Variants in COL28A1 observed in about 807,000 individuals in gnomAD.
The protein encoded by COL28A1 is collagen type XXVIII alpha 1 chain.
A neutral mutation model predicts 150.2 loss-of-function variants in COL28A1; 161 were observed. That is an observed-to-expected ratio of 1.07 (90% CI 0.94 to 1.22). The LOEUF (loss-of-function observed/expected upper bound fraction) is 1.22. COL28A1 is among the 50% of genes most tolerant of loss of function. The pLI is 0.00. For missense variants in COL28A1, 1,617 were observed against 1,388.3 expected, an observed-to-expected ratio of 1.16 and a Z score of -2.62; for synonymous variants, 552 against 469.7, an observed-to-expected ratio of 1.18 and a Z score of -2.26.
intron 27 of COL28A1, among the ~76,000 whole-genome samples, chr7:7,389,143 A>C (rs527973087): frequency 4.6e-5 from 7 of 152,106 alleles, no homozygotes; most frequent in Non-Finnish European, 1.0e-4. Context: ...GTCTTACTTA[A>C]GTCTTTAATC....
chr7:7,419,999 TTATG>T (rs56023768), intron 25 of COL28A1, 46 bp from the exon 26 acceptor site: 141,709 of 1,311,318 alleles, frequency 0.11, 8,172 homozygotes, highest in Middle Eastern at 0.21. Context: ...TTTAAAGACT[TTATG>T]TTTTTTTCAA....
intron 30 of COL28A1, among the ~76,000 whole-genome samples, chr7:7,378,772 T>C (rs1314479496): frequency 6.6e-6 from 1 of 152,160 alleles, no homozygotes; most frequent in Non-Finnish European, 1.5e-5. Flanking sequence ...CCATTTGATG[T>C]GGAGATACTG....
At chr7:7,341,459 C>T in the COL28A1 span, among the ~76,000 whole-genome samples, 2 of 151,950 alleles carry the variant, frequency 1.3e-5, no homozygotes, top group Non-Finnish European at 2.9e-5. Context: ...GGCTGGAGTG[C>T]GTTGGCATGA....
downstream of COL28A1, among the ~76,000 whole-genome samples, chr7:7,352,076 T>C (rs114172611): frequency 2.0e-5 from 3 of 152,322 alleles, no homozygotes; most frequent in African/African-American, 4.8e-5. Context: ...CCCTCACTCA[T>C]TGATATATCC....
At chr7:7,481,617 T>C (rs1196548735) in intron 13 of COL28A1, among the ~76,000 whole-genome samples, 1 of 152,206 alleles carries the variant, frequency 6.6e-6, no homozygotes, top group Non-Finnish European at 1.5e-5. Context: ...TGAAGGAATC[T>C]AATTATCAGT....
chr7:7,453,761 G>A (rs1004655617), intron 16 of COL28A1, among the ~76,000 whole-genome samples: 14 of 149,162 alleles, frequency 9.4e-5, no homozygotes, highest in African/African-American at 2.1e-4. Flanking sequence ...GCAGCCAGGC[G>A]TGGCCATGTG....
chr7:7,405,109 A>G lies in COL28A1; in HGVS notation c.2136+12750T>C, dbSNP rs1297946788. Reference sequence around the variant, plus strand: ...ATAAAACTTTGTACAACTAGCAAGGATTGACTAGTGGAGCCAGTATCCTTC... The same window carrying G: ...ATAAAACTTTGTACAACTAGCAAGGGTTGACTAGTGGAGCCAGTATCCTTC... On this transcript the variant is annotated intron_variant, in intron 27 of 34. Coordinates refer to ENST00000399429, the MANE Select transcript of COL28A1 (RefSeq NM_001037763.3). Among the ~76,000 whole-genome samples the G allele has an allele frequency of 2.6e-5, 4 of 152,320 alleles. No individual in the cohort carries two copies. In the South Asian group the frequency reaches 6.2e-4, roughly 24 times the overall value.
chr7:7,390,799 C>T (rs1782496062), intron 27 of COL28A1, among the ~76,000 whole-genome samples: 1 of 152,148 alleles, frequency 6.6e-6, no homozygotes, highest in Non-Finnish European at 1.5e-5. Context: ...ATAGTATTCT[C>T]TGATGGTAGT....
At chr7:7,541,684 G>A in the COL28A1 span, among the ~76,000 whole-genome samples, 1 of 152,142 alleles carries the variant, frequency 6.6e-6, no homozygotes, top group African/African-American at 2.4e-5. Flanking sequence ...GATGCTGAAC[G>A]GGTGGAATAA....
chr7:7,341,890 C>A, the COL28A1 span, among the ~76,000 whole-genome samples: 1 of 151,914 alleles, frequency 6.6e-6, no homozygotes, highest in Non-Finnish European at 1.5e-5. Flanking sequence ...GTAAATATTT[C>A]ATTTATACAT....
chr7:7,340,001 T>C, the COL28A1 span, among the ~76,000 whole-genome samples: 1 of 152,128 alleles, frequency 6.6e-6, no homozygotes, highest in Non-Finnish European at 1.5e-5. Flanking sequence ...TTTGTTTTTG[T>C]TTTCATTGAG....
intron 9 of COL28A1, among the ~76,000 whole-genome samples, chr7:7,507,996 G>T (rs1780907766): frequency 6.6e-6 from 1 of 152,180 alleles, no homozygotes; most frequent in Admixed American, 6.5e-5. Flanking sequence ...ACTTTGGGAG[G>T]CCGAGGCGGG....
At chr7:7,343,558 C>T in the COL28A1 span, among the ~76,000 whole-genome samples, 1 of 152,100 alleles carries the variant, frequency 6.6e-6, no homozygotes, top group East Asian at 1.9e-4. Flanking sequence ...AATGCACTCA[C>T]TTCAAGTACG....
intron 12 of COL28A1, among the ~76,000 whole-genome samples, chr7:7,490,151 T>C (rs959087762): frequency 1.1e-4 from 17 of 152,206 alleles, no homozygotes; most frequent in African/African-American, 4.1e-4. Context: ...TCTAGTTCTC[T>C]ACAAATCTCT....
the COL28A1 span, among the ~76,000 whole-genome samples, chr7:7,541,540 G>C: frequency 2.8e-3 from 433 of 152,160 alleles, no homozygotes; most frequent in African/African-American, 1.0e-2. Context: ...AATTTAGTCA[G>C]GACTCTGCAT....
At chr7:7,540,320 T>A (rs1377899677), upstream of COL28A1, among the ~76,000 whole-genome samples, 1 of 152,234 alleles carries the variant, frequency 6.6e-6, no homozygotes, top group Non-Finnish European at 1.5e-5. Flanking sequence ...TTAGTTCATT[T>A]TACTTTCAGA....
intron 25 of COL28A1, among the ~76,000 whole-genome samples, chr7:7,431,886 A>G (rs1785002436): frequency 6.6e-6 from 1 of 152,178 alleles, no homozygotes; most frequent in Non-Finnish European, 1.5e-5. Flanking sequence ...GACAGGATTT[A>G]CCAAAGGACT....
At chr7:7,458,788 G>A (rs774381804) in intron 15 of COL28A1, among the ~76,000 whole-genome samples, 4 of 152,106 alleles carry the variant, frequency 2.6e-5, no homozygotes, top group South Asian at 2.1e-4. Flanking sequence ...ACTGTTAGAC[G>A]GCAGAGGTGA....
chr7:7,454,979 T>G (rs1208116185), intron 16 of COL28A1, among the ~76,000 whole-genome samples: 1 of 152,064 alleles, frequency 6.6e-6, no homozygotes, highest in Non-Finnish European at 1.5e-5. Context: ...GAAAAAGGAG[T>G]CATATCCAAC....
Sources: gnomAD v4.1 joint callset for allele counts (sites outside exome capture counted in the v4.1 genomes callset) on GRCh38, gnomAD v4.1.1 for gene constraint, MANE v1.5 for transcripts, NCBI Gene and HGNC (gene_info 2026-07-23, HGNC 2026-07-21) for gene names.